Variants in MCF2L2 observed in about 807,000 individuals in gnomAD.
The protein encoded by MCF2L2 is probable guanine nucleotide exchange factor MCF2L2.
A neutral mutation model predicts 150.2 loss-of-function variants in MCF2L2; 102 were observed. The ratio of observed to expected loss-of-function variants is 0.68; its 90% CI spans 0.58 to 0.80. The LOEUF (loss-of-function observed/expected upper bound fraction) is 0.80, where lower values mean the gene tolerates loss of function less well. Among genes scored for constraint, MCF2L2 ranks in the 30% least tolerant of loss-of-function variants. MCF2L2 has a pLI of 0.00. For synonymous variants in MCF2L2, 465 were observed against 491.3 expected, an observed-to-expected ratio of 0.95 and a Z score of 0.71; for missense variants, 1,256 against 1,372.8, an observed-to-expected ratio of 0.91 and a Z score of 1.34.
At position 183,223,221 on chromosome 3, in the gene MCF2L2, T is replaced by C. The variant is rs1723207388; in HGVS notation, c.2301+125A>G. 14 of 657,088 alleles carry C rather than the reference T, an allele frequency of 2.1e-5. No homozygotes were observed. The South Asian group carries it at 2.3e-4, about 11-fold the overall frequency. The allele number at this position is 657,088 out of a possible 1,614,324, so 40.7% of individuals were successfully genotyped here. ...TTAGAGTTGGAGGAAAGAAAAAGCC[T>C]GCAGGATAGACGTATCTTCAGCCTT... is the stretch of plus-strand genomic sequence containing the variant. On this transcript the variant is annotated intron_variant, in intron 20 of 29. Transcript: ENST00000328913.
chr3:183,263,499 T>G (rs1725809903), intron 15 of MCF2L2, among the ~76,000 whole-genome samples: 1 of 152,140 alleles, frequency 6.6e-6, no homozygotes, highest in Admixed American at 6.5e-5. Flanking sequence ...ATCTTAATTT[T>G]CTGATGAATG....
chr3:183,300,095 G>C lies in MCF2L2; in HGVS notation c.1215C>G (p.Leu405=). ...TGATGAAATCGTCACAGAGGTGCCTGAGCTCCACACACCGGGGCCTGATGG... is the reference window on the plus strand; with the variant it reads ...TGATGAAATCGTCACAGAGGTGCCTCAGCTCCACACACCGGGGCCTGATGG... The part of the protein sequence containing the change: ...ADAIRPRCVE[L]RHLCDDFING... Residue 405 remains leucine (L), a synonymous_variant, in exon 11 of 30, where the codon CTC becomes CTG. Coordinates refer to ENST00000328913, the MANE Select transcript of MCF2L2 (RefSeq NM_015078.4). 6.2e-7 allele frequency: 1 copy of C among 1,613,908 alleles called. No individual in the cohort carries two copies. The highest frequency in any genetic ancestry group is 1.3e-5 in the African/African-American group (1 of 75,004).
rs371675366 is a variant in MCF2L2 at position 183,399,851 on chromosome 3, G to A, written c.77-10072C>T. Reference sequence around the variant, plus strand: ...AAGTACAATCTGATTCTCAAATGAAGGATATTCTTTGCCTGCCATGAAGTG... The same window carrying A: ...AAGTACAATCTGATTCTCAAATGAAAGATATTCTTTGCCTGCCATGAAGTG... On this transcript the variant is annotated intron_variant, in intron 1 of 29. Transcript: ENST00000328913. Among the ~76,000 whole-genome samples, 686 of 152,276 alleles carry A rather than the reference G, an allele frequency of 4.5e-3. 6 individuals carry two copies. The highest frequency in any genetic ancestry group is 0.023 in the South Asian group (109 of 4,824).
chr3:183,284,683 C>T (rs1403316233), intron 14 of MCF2L2, among the ~76,000 whole-genome samples: 2 of 149,598 alleles, frequency 1.3e-5, no homozygotes, highest in East Asian at 1.9e-4. Flanking sequence ...GCTTGGGCAA[C>T]AAAGTGAGAC....
chr3:183,426,796 T>C (rs1447925383), intron 1 of MCF2L2, among the ~76,000 whole-genome samples: 2 of 152,260 alleles, frequency 1.3e-5, no homozygotes, highest in African/African-American at 2.4e-5. Context: ...AAAAGTTCAG[T>C]GCCCACAATT....
intron 22 of MCF2L2, among the ~76,000 whole-genome samples, chr3:183,213,441 G>A (rs1215994615): frequency 1.3e-5 from 2 of 151,898 alleles, no homozygotes; most frequent in Non-Finnish European, 2.9e-5. Context: ...TTGCTTTCTA[G>A]TTGTTTAATT....
chr3:183,323,433 T>A, intron 5 of MCF2L2, 82 bp from the exon 6 acceptor site: 1 of 542,812 alleles, frequency 1.8e-6, no homozygotes, highest in Non-Finnish European at 3.1e-6. Flanking sequence ...TTATCATAAT[T>A]ATATTTTATA....
At chr3:183,215,820 C>T (rs756898928) in intron 22 of MCF2L2, 149 bp downstream of exon 22, 273 of 835,956 alleles carry the variant, frequency 3.3e-4, no homozygotes, top group Admixed American at 7.4e-4. Context: ...TCTTGTAGTG[C>T]GGGTTTACTG....
At chr3:183,298,898 TAC>T (rs1728697006) in intron 11 of MCF2L2, 2 of 152,228 alleles carry the variant, frequency 1.3e-5, no homozygotes, top group Non-Finnish European at 2.9e-5. Flanking sequence ...CCTTCGGAGC[TAC>T]TTGCTTCTGA....
chr3:183,261,155 T>C (rs1168688121), intron 15 of MCF2L2, among the ~76,000 whole-genome samples: 2 of 152,234 alleles, frequency 1.3e-5, no homozygotes, highest in Non-Finnish European at 1.5e-5. Flanking sequence ...TAACTAGTTA[T>C]ATTTCTTAAC....
At chr3:183,297,276 AT>A (rs905940557) in intron 11 of MCF2L2, 109 bp from the exon 12 acceptor site, 1 of 957,716 alleles carries the variant, frequency 1.0e-6, no homozygotes, top group African/African-American at 1.6e-5. Flanking sequence ...TTCCCAGACA[AT>A]GGGAAATTGT....
chr3:183,194,231 C>G (rs1407071523), intron 26 of MCF2L2, among the ~76,000 whole-genome samples: 1 of 152,178 alleles, frequency 6.6e-6, no homozygotes, highest in Non-Finnish European at 1.5e-5. Context: ...CTTAGAAAAA[C>G]TAAGCAGACT....
At chr3:183,302,989 T>C (rs570929555) in intron 10 of MCF2L2, among the ~76,000 whole-genome samples, 1 of 151,824 alleles carries the variant, frequency 6.6e-6, no homozygotes. Flanking sequence ...GGTCAGGAGA[T>C]CGAGACCATC....
chr3:183,419,305 T>A lies in MCF2L2; in HGVS notation c.76+8597A>T, dbSNP rs912388755. Among the ~76,000 whole-genome samples, 5 of 152,338 alleles carry A rather than the reference T, an allele frequency of 3.3e-5. No homozygotes were observed. The South Asian group carries it at 1.0e-3, about 32-fold the overall frequency. On this transcript the variant is annotated intron_variant, in intron 1 of 29. Transcript: ENST00000328913. ...TCCTCCTAGGCCTCTGGGACTGTGA[T>A]GGGAGGGGCTGCCATGAAGGTCTCT...
chr3:183,345,495 T>A (rs1730863291), intron 3 of MCF2L2, among the ~76,000 whole-genome samples: 1 of 151,770 alleles, frequency 6.6e-6, no homozygotes, highest in Non-Finnish European at 1.5e-5. Flanking sequence ...CACCCTAACA[T>A]CACAATTAAA....
intron 22 of MCF2L2, among the ~76,000 whole-genome samples, chr3:183,210,179 C>A (rs1275763477): frequency 6.6e-6 from 1 of 152,116 alleles, no homozygotes; most frequent in Non-Finnish European, 1.5e-5. Context: ...GAGGCTGAGG[C>A]AGGAGGATCA....
chr3:183,411,494 T>A (rs1715313417), intron 1 of MCF2L2, among the ~76,000 whole-genome samples: 1 of 152,144 alleles, frequency 6.6e-6, no homozygotes, highest in Non-Finnish European at 1.5e-5. Context: ...CAAAGAAAAA[T>A]TCCAAAACAA....
At chr3:183,423,450 T>C (rs1457266177) in intron 1 of MCF2L2, among the ~76,000 whole-genome samples, 1 of 152,156 alleles carries the variant, frequency 6.6e-6, no homozygotes, top group Non-Finnish European at 1.5e-5. Flanking sequence ...AAGGATATTC[T>C]TTTCTGCTTC....
chr3:183,217,890 T>C (rs898619037), intron 21 of MCF2L2, among the ~76,000 whole-genome samples: 2 of 152,204 alleles, frequency 1.3e-5, no homozygotes, highest in East Asian at 1.9e-4. Context: ...TAGGATGTGA[T>C]TGGGGTGATT....
Sources: allele counts gnomAD v4.1 joint callset (sites outside exome capture counted in the v4.1 genomes callset), GRCh38; gene constraint gnomAD v4.1.1; transcripts MANE v1.5; gene names NCBI Gene and HGNC (gene_info 2026-07-23, HGNC 2026-07-21).